Variants in DLEC1 observed in about 807,000 individuals in gnomAD.
The protein encoded by DLEC1 is deleted in lung and esophageal cancer protein 1.
In DLEC1, 146 loss-of-function variants were observed where a neutral mutation model predicts 198.1. The ratio of observed to expected loss-of-function variants is 0.74; its 90% confidence interval spans 0.64 to 0.85. The LOEUF (loss-of-function observed/expected upper bound fraction) is 0.85. Ranked by LOEUF, DLEC1 falls within the 40% of genes least tolerant of loss-of-function variation. The pLI, the probability that DLEC1 is intolerant of heterozygous loss-of-function variation, is 0.00. For synonymous variants in DLEC1, 897 were observed against 866.8 expected (o/e 1.03, Z -0.61); for missense variants, 2,233 against 2,220.0 (o/e 1.01, Z -0.12).
rs781376106 is a variant in DLEC1 at position 38,062,179 on chromosome 3, A to G, written c.684A>G (p.Leu228=). 3.7e-6 allele frequency: 6 copies of G among 1,614,014 alleles called. No homozygotes were observed. The Admixed American group carries it at 8.3e-5, about 22-fold the overall frequency. ...PFHSAPKGIS[L]PGCSKLTFSC... ...TCCTTGATGCTGTAGGCATCTCCCT[A>G]CCTGGATGTTCAAAACTGACATTTA... The change falls in exon 4 of 37, where the codon CTA becomes CTG. Residue 228 remains leucine, a synonymous_variant. Transcript: ENST00000308059.
intron 7 of DLEC1, among the ~76,000 whole-genome samples, chr3:38,084,455 AGTAGTAATAGTAGTGGTG>A (rs1698281996): frequency 9.4e-4 from 1 of 1,062 alleles, no homozygotes; most frequent in Non-Finnish European, 3.0e-3. Flanking sequence ...TGGTGGTGGT[AGTAGTAATAGTAGTGGTG>A]GTGGTGGTAG....
intron 26 of DLEC1, 28 bp from the exon 27 acceptor site, chr3:38,114,955 G>T: frequency 6.2e-7 from 1 of 1,608,038 alleles, no homozygotes; most frequent in Non-Finnish European, 8.5e-7. Context: ...GGCTGTGGCT[G>T]TACTGAGTCC....
At chr3:38,082,642 G>C (rs968152509) in intron 6 of DLEC1, among the ~76,000 whole-genome samples, 1 of 151,510 alleles carries the variant, frequency 6.6e-6, no homozygotes, top group Non-Finnish European at 1.5e-5. Flanking sequence ...TGAAGGAGAA[G>C]GGGTTGAGGG....
At chr3:38,042,467 T>C (rs1005013448) in intron 1 of DLEC1, among the ~76,000 whole-genome samples, 14 of 152,092 alleles carry the variant, frequency 9.2e-5, no homozygotes, top group Admixed American at 1.3e-4. Context: ...AATTTTGCAA[T>C]GTACACGAAT....
intron 22 of DLEC1, 89 bp downstream of exon 22, chr3:38,109,651 T>C: frequency 6.3e-7 from 1 of 1,578,366 alleles, no homozygotes; most frequent in Non-Finnish European, 8.6e-7. Context: ...GTGGTATCAG[T>C]CTGCGCCCAT....
chr3:38,062,395 G>A (rs769201752), intron 4 of DLEC1, 27 bp downstream of exon 4: 1 of 1,613,642 alleles, frequency 6.2e-7, no homozygotes, highest in Non-Finnish European at 8.5e-7. Flanking sequence ...GTGCAGAGCA[G>A]TGTTTGGGGG....
chr3:38,114,960 G>A, intron 26 of DLEC1, 23 bp from the exon 27 acceptor site: 7 of 1,610,588 alleles, frequency 4.3e-6, no homozygotes, highest in Non-Finnish European at 5.9e-6. Context: ...TGGCTGTACT[G>A]AGTCCAGTCT....
At chr3:38,095,126 C>A (rs947081449) in intron 13 of DLEC1, 55 bp downstream of exon 13, 27 of 1,586,506 alleles carry the variant, frequency 1.7e-5, no homozygotes, top group Non-Finnish European at 2.2e-5. Context: ...TATTTAGACC[C>A]CCCACCTGTG....
In DLEC1 at chr3:38,097,589, C is replaced by T. The variant is rs371619539; in HGVS notation, c.2517C>T (p.Ile839=). 9.9e-5 allele frequency: 160 copies of T among 1,614,056 alleles called. No homozygotes were observed. Among genetic ancestry groups the T allele is most frequent in the Non-Finnish European group, 1.2e-4 (137 of 1,180,046 alleles). The change falls in exon 17 of 37, where the codon ATC becomes ATT. Residue 839 remains isoleucine, a synonymous_variant. Transcript: ENST00000308059. ...CAAGCCAGGACCTGCTGTGTGAAAT[C>T]GAAGACTCGCCCTCGCCAGTGGTGT... is the stretch of plus-strand genomic sequence containing the variant. The part of the protein sequence containing the change: ...GPTSQDLLCE[I]EDSPSPVVLH...
rs769209441 is a variant in DLEC1 at position 38,095,048 on chromosome 3, A to C, written c.2089A>C (p.Ile697Leu). Residue 697 changes from isoleucine to leucine, a missense_variant, in exon 13 of 37, where the codon ATC (isoleucine) becomes CTC (leucine). Transcript: ENST00000308059. The part of the protein sequence containing the change: ...VLSPHTDHEF[I>L]LSFSPHELRD... ...AAGCCCCCACACAGACCACGAGTTCATCCTGAGCTTTTCTCCTCATGAGGT... is the reference window on the plus strand; with the variant it reads ...AAGCCCCCACACAGACCACGAGTTCCTCCTGAGCTTTTCTCCTCATGAGGT... The C allele has an allele frequency of 6.2e-7, 1 of 1,614,182 alleles. No homozygotes were observed. The highest frequency in any genetic ancestry group is 1.7e-5 in the Admixed American group (1 of 60,030).
At chr3:38,070,586 C>A (rs6808319) in intron 6 of DLEC1, among the ~76,000 whole-genome samples, 64,509 of 151,980 alleles carry the variant, frequency 0.42, 14,357 homozygotes, top group East Asian at 0.6. Context: ...GCTGCGTCCA[C>A]AAAGAGAGTC....
At position 38,039,448 on chromosome 3, in the gene DLEC1, C is replaced by T. The variant is rs778123443; in HGVS notation, c.223C>T (p.Pro75Ser). ...CACGCAGCTTGCGCTGGCGCAGCGT[C>T]CCGAGCCTCAGCTGCTTCGTCTGCG... Reference protein sequence around the residue: ...RLTQLALAQRPEPQLLRLRPS... With the variant: ...RLTQLALAQRSEPQLLRLRPS... Residue 75 changes from proline to serine, a missense_variant, in exon 1 of 37, where the codon CCC becomes TCC. Coordinates refer to ENST00000308059, the MANE Select transcript of DLEC1 (RefSeq NM_007335.4). The T allele has an allele frequency of 6.2e-7, 1 of 1,613,962 alleles. No homozygotes were observed. Among genetic ancestry groups the T allele is most frequent in the South Asian group, 1.1e-5 (1 of 91,078 alleles).
Position 38,085,438 on chromosome 3 carries a change from G to C in DLEC1, c.1426G>C (p.Val476Leu), listed in dbSNP as rs79138042. Residue 476 changes from valine to leucine, a missense_variant, in exon 8 of 37, where the codon GTG becomes CTG. Val to Leu is a conservative substitution (Grantham distance 32). Transcript: ENST00000308059. ...IPLQARRPPP[V>L]LTLSPVLDCG... is the part of the protein sequence containing the mutation. ...CCTGCAGGCCCGGAGGCCGCCCCCC[G>C]TGCTGACATGTGAGTGTGCACCGTA... The C allele has an allele frequency of 4.0e-5, 64 of 1,613,668 alleles. No individual in the cohort carries two copies. Among genetic ancestry groups the C allele is most frequent in the African/African-American group, 8.0e-5 (6 of 74,908 alleles).
Position 38,039,425 on chromosome 3 carries a change from C to G in DLEC1, c.200C>G (p.Thr67Arg). ...YSFAARPRRL[T>R]QLALAQRPEP... ...TTCGCAGCCCGGCCCCGCCGCCTCA[C>G]GCAGCTTGCGCTGGCGCAGCGTCCC... The change falls in exon 1 of 37, where the codon ACG (threonine) becomes AGG (arginine). Residue 67 changes from threonine (T) to arginine (R), a missense_variant. Thr to Arg is a moderately conservative substitution (Grantham distance 71). Coordinates refer to ENST00000308059, the MANE Select transcript of DLEC1 (RefSeq NM_007335.4). 1 of 1,613,770 alleles carries G rather than the reference C, an allele frequency of 6.2e-7. No homozygotes were observed. Among genetic ancestry groups the G allele is most frequent in the Non-Finnish European group, 8.5e-7 (1 of 1,179,774 alleles).
Position 38,059,857 on chromosome 3 carries a change from T to G in DLEC1, c.673+5T>G. On this transcript the variant is annotated splice_donor_5th_base_variant and intron_variant, in intron 3 of 36. Transcript: ENST00000308059. ...CGTTTCACTCTGCACCTAAAGGTAA[T>G]GCTTCTGTGCTCTCAAGGCCTCTGA... The G allele has an allele frequency of 6.2e-7, 1 of 1,612,990 alleles. No homozygotes were observed. Among genetic ancestry groups the G allele is most frequent in the Non-Finnish European group, 8.5e-7 (1 of 1,179,302 alleles).
intron 1 of DLEC1, among the ~76,000 whole-genome samples, chr3:38,040,821 G>C (rs1700617827): frequency 6.6e-6 from 1 of 151,528 alleles, no homozygotes; most frequent in South Asian, 2.1e-4. Context: ...CCCTTTTTTT[G>C]AAGAAAAAAA....
intron 18 of DLEC1, among the ~76,000 whole-genome samples, chr3:38,098,785 A>G (rs1699161129): frequency 6.6e-6 from 1 of 152,122 alleles, no homozygotes; most frequent in African/African-American, 2.4e-5. Flanking sequence ...TTTCCTTTCT[A>G]TTCCAGGGAG....
chr3:38,099,770 G>A (rs1489312051), intron 18 of DLEC1, among the ~76,000 whole-genome samples: 4 of 151,704 alleles, frequency 2.6e-5, no homozygotes, highest in South Asian at 2.1e-4. Context: ...GGAGCAGACC[G>A]GGGGCGGGGT....
chr3:38,097,094 C>A, intron 15 of DLEC1, 88 bp from the exon 16 acceptor site: 2 of 1,274,664 alleles, frequency 1.6e-6, no homozygotes, highest in Non-Finnish European at 2.2e-6. Flanking sequence ...GGACTCTTTA[C>A]GAGCCCACAA....
Sources: gnomAD v4.1 joint callset for allele counts (sites outside exome capture counted in the v4.1 genomes callset) on GRCh38, gnomAD v4.1.1 for gene constraint, MANE v1.5 for transcripts, NCBI Gene and HGNC (gene_info 2026-07-23, HGNC 2026-07-21) for gene names.